The following BRINP3 variants were observed in gnomAD, a reference collection of about 807,000 sequenced individuals.
The protein encoded by BRINP3 is BMP/retinoic acid-inducible neural-specific protein 3.
A neutral mutation model predicts 71.0 loss-of-function variants in BRINP3; 19 were observed. The ratio of observed to expected loss-of-function variants is 0.27; its 90% CI spans 0.19 to 0.39. BRINP3 has a LOEUF of 0.39. BRINP3 is among the 10% of genes least tolerant of loss of function. The pLI is 1.00. For synonymous variants in BRINP3, 380 were observed against 337.7 expected (o/e 1.13, Z -1.37); for missense variants, 959 against 940.8 (o/e 1.02, Z -0.25).
chr1:190,332,347 A>G (rs1370954692), intron 2 of BRINP3, among the ~76,000 whole-genome samples: 1 of 152,060 alleles, frequency 6.6e-6, no homozygotes, highest in African/African-American at 2.4e-5. Context: ...CTGTTGCCGA[A>G]GAACTCATAT....
chr1:190,424,804 C>T (rs1274868875), intron 2 of BRINP3, among the ~76,000 whole-genome samples: 1 of 151,598 alleles, frequency 6.6e-6, no homozygotes, highest in Non-Finnish European at 1.5e-5. Context: ...TGAAATATTA[C>T]CTTTAGAAAG....
At chr1:190,322,599 C>T (rs1666318195) in intron 2 of BRINP3, among the ~76,000 whole-genome samples, 2 of 152,048 alleles carry the variant, frequency 1.3e-5, no homozygotes, top group South Asian at 4.2e-4. Context: ...AGGCCGTGAA[C>T]TTGAATAAAA....
At chr1:190,257,013 C>T (rs995301003) in intron 4 of BRINP3, among the ~76,000 whole-genome samples, 2 of 152,082 alleles carry the variant, frequency 1.3e-5, no homozygotes, top group Non-Finnish European at 2.9e-5. Flanking sequence ...CTCTGTATTA[C>T]CTGAATTTGA....
intron 2 of BRINP3, among the ~76,000 whole-genome samples, chr1:190,346,903 T>C (rs1668057898): frequency 6.6e-6 from 1 of 152,126 alleles, no homozygotes; most frequent in Non-Finnish European, 1.5e-5. Flanking sequence ...GGATAAAAAG[T>C]GTCCTATATT....
intron 7 of BRINP3, among the ~76,000 whole-genome samples, chr1:190,129,485 A>G (rs971670242): frequency 3.9e-5 from 6 of 151,910 alleles, no homozygotes; most frequent in African/African-American, 1.4e-4. Flanking sequence ...CATGCAGTAG[A>G]TAATTACAGC....
chr1:190,295,644 G>A (rs749457964), intron 2 of BRINP3, among the ~76,000 whole-genome samples: 5 of 152,114 alleles, frequency 3.3e-5, no homozygotes, highest in Admixed American at 6.6e-5. Flanking sequence ...GTGCAGAGAC[G>A]TCTAAATGCC....
At chr1:190,171,252 G>C (rs902750212) in intron 6 of BRINP3, among the ~76,000 whole-genome samples, 2 of 152,130 alleles carry the variant, frequency 1.3e-5, no homozygotes, top group Non-Finnish European at 2.9e-5. Context: ...TGCTGTTTTT[G>C]ATTGTTTGGT....
At chr1:190,194,555 A>G (rs1343323834) in intron 6 of BRINP3, among the ~76,000 whole-genome samples, 4 of 152,148 alleles carry the variant, frequency 2.6e-5, no homozygotes, top group Admixed American at 2.6e-4. Flanking sequence ...CATATGTTGA[A>G]AACTACACTT....
intron 2 of BRINP3, among the ~76,000 whole-genome samples, chr1:190,359,309 T>TATTA (rs1329521311): frequency 1.3e-5 from 2 of 152,088 alleles, no homozygotes; most frequent in Admixed American, 1.3e-4. Flanking sequence ...ACTAGACAGA[T>TATTA]ATTAACACTG....
intron 3 of BRINP3, among the ~76,000 whole-genome samples, chr1:190,275,321 G>C (rs1662464302): frequency 6.6e-6 from 1 of 151,478 alleles, no homozygotes; most frequent in Non-Finnish European, 1.5e-5. Context: ...TCTCAGAACA[G>C]TTGATTATAC....
intron 6 of BRINP3, among the ~76,000 whole-genome samples, chr1:190,220,510 T>C (rs1468478745): frequency 6.6e-6 from 1 of 152,080 alleles, no homozygotes; most frequent in African/African-American, 2.4e-5. Flanking sequence ...CTGCACGTTC[T>C]GCACATGTAA....
intron 2 of BRINP3, among the ~76,000 whole-genome samples, chr1:190,344,211 C>A (rs1667861692): frequency 6.6e-6 from 1 of 151,510 alleles, no homozygotes; most frequent in South Asian, 2.1e-4. Flanking sequence ...TTTTTGAGAC[C>A]TTTATATGCT....
chr1:190,448,465 GTGTGT>G (rs1675382285), intron 2 of BRINP3, among the ~76,000 whole-genome samples: 4 of 135,228 alleles, frequency 3.0e-5, no homozygotes, highest in Admixed American at 7.4e-5. Context: ...CTTGGGGTTT[GTGTGT>G]GTGTGTGTGT....
intron 7 of BRINP3, among the ~76,000 whole-genome samples, chr1:190,119,571 G>A (rs958066120): frequency 1.3e-5 from 2 of 152,072 alleles, no homozygotes; most frequent in African/African-American, 2.4e-5. Flanking sequence ...CCTTATGTGA[G>A]CTACCGTGCC....
chr1:190,286,711 C>G (rs967588887), intron 2 of BRINP3, among the ~76,000 whole-genome samples: 2 of 151,982 alleles, frequency 1.3e-5, no homozygotes, highest in African/African-American at 4.8e-5. Context: ...TTTTCAGACA[C>G]AATAGAATCT....
chr1:190,402,990 G>C (rs115089024), intron 2 of BRINP3, among the ~76,000 whole-genome samples: 1 of 152,112 alleles, frequency 6.6e-6, no homozygotes, highest in Non-Finnish European at 1.5e-5. Context: ...GCCTCCCAAC[G>C]TGCTGGGATT....
chr1:190,388,563 C>T (rs769270197), intron 2 of BRINP3, among the ~76,000 whole-genome samples: 2 of 151,686 alleles, frequency 1.3e-5, no homozygotes, highest in Non-Finnish European at 2.9e-5. Context: ...AGATTTTTGG[C>T]AACCTTCTAA....
chr1:190,153,757 A>G (rs966877463), intron 7 of BRINP3, among the ~76,000 whole-genome samples: 2 of 152,172 alleles, frequency 1.3e-5, no homozygotes, highest in African/African-American at 4.8e-5. Flanking sequence ...GCTACTCAGG[A>G]GACTGAGGTT....
intron 2 of BRINP3, among the ~76,000 whole-genome samples, chr1:190,367,481 C>G (rs535832996): frequency 6.6e-6 from 1 of 152,320 alleles, no homozygotes; most frequent in East Asian, 1.9e-4. Context: ...CTCTGACATG[C>G]CCTGGGGACA....
Sources: gnomAD v4.1 joint callset for allele counts (sites outside exome capture counted in the v4.1 genomes callset) on GRCh38, gnomAD v4.1.1 for gene constraint, MANE v1.5 for transcripts, NCBI Gene and HGNC (gene_info 2026-07-23, HGNC 2026-07-21) for gene names.